GABRA2: variants seen among roughly 807,000 people sequenced by gnomAD.
GABRA2 encodes the protein gamma-aminobutyric acid receptor subunit alpha-2.
A neutral mutation model predicts 48.7 loss-of-function variants in GABRA2; 16 were observed. That is an observed-to-expected ratio of 0.33 (90% CI 0.22 to 0.50). GABRA2 has a LOEUF of 0.50. Ranked by LOEUF, GABRA2 falls within the 20% of genes least tolerant of loss-of-function variation. GABRA2 has a pLI of 0.98. For missense variants in GABRA2, 275 were observed against 535.6 expected (o/e 0.51, Z 4.80); for synonymous variants, 185 against 184.5 (o/e 1.00, Z -0.02).
intron 8 of GABRA2, among the ~76,000 whole-genome samples, chr4:46,268,676 C>T (rs1405007719): frequency 6.6e-6 from 1 of 151,818 alleles, no homozygotes; most frequent in Admixed American, 6.6e-5. Flanking sequence ...ATCCAGCAAT[C>T]CCACTTCTGG....
chr4:46,293,701 G>T (rs7669378), intron 8 of GABRA2, among the ~76,000 whole-genome samples: 1 of 151,960 alleles, frequency 6.6e-6, no homozygotes, highest in Non-Finnish European at 1.5e-5. Context: ...TGGAAAAGAC[G>T]AAATGTAAGC....
intron 1 of GABRA2, chr4:46,389,173 G>C (rs1477834195): frequency 2.5e-5 from 25 of 988,088 alleles, no homozygotes; most frequent in East Asian, 1.1e-4. Context: ...GACCACCTCC[G>C]CAACCACAGC....
At chr4:46,278,638 A>G (rs74902595) in intron 8 of GABRA2, among the ~76,000 whole-genome samples, 2,101 of 152,246 alleles carry the variant, frequency 0.014, 53 homozygotes, top group African/African-American at 0.048. Context: ...TTTTTCTTCT[A>G]TCAATTTTTC....
chr4:46,364,054 T>C (rs558040908), intron 3 of GABRA2: 5 of 152,332 alleles, frequency 3.3e-5, no homozygotes, highest in African/African-American at 1.2e-4. Flanking sequence ...CATATCGTAT[T>C]CTGTAGATGG....
intron 8 of GABRA2, among the ~76,000 whole-genome samples, chr4:46,280,811 C>T (rs185372749): frequency 1.3e-5 from 2 of 152,032 alleles, no homozygotes; most frequent in East Asian, 3.9e-4. Context: ...AATGGTGGAG[C>T]CCTGATCAAA....
chr4:46,303,119 A>G (rs1407629015), intron 8 of GABRA2: 3 of 239,848 alleles, frequency 1.3e-5, no homozygotes, highest in Non-Finnish European at 2.4e-5. Flanking sequence ...GTGTTTGATC[A>G]TAGCAACAAT....
chr4:46,351,974 GT>G (rs551212967), intron 3 of GABRA2, among the ~76,000 whole-genome samples: 7,055 of 118,040 alleles, frequency 0.06, 558 homozygotes, highest in African/African-American at 0.21. Context: ...CAAAAACTGG[GT>G]TTTTTTTTTT....
chr4:46,355,587 C>A (rs1735828287), intron 3 of GABRA2, among the ~76,000 whole-genome samples: 1 of 152,226 alleles, frequency 6.6e-6, no homozygotes, highest in South Asian at 2.1e-4. Context: ...AAGTGCCAAG[C>A]ATTCACTTTA....
chr4:46,250,109 T>A lies in GABRA2; in HGVS notation c.*199A>T. The stretch of plus-strand genomic sequence containing the variant: ...TCTTTAAAAAAGGCAATGGCTGTTT[T>A]CGCATGGAGTGCTTTCTGTCTGCAG... On this transcript the variant is annotated 3_prime_UTR_variant, in exon 10 of 10. Transcript: ENST00000381620. 1 of 504,872 alleles carries A rather than the reference T, an allele frequency of 2.0e-6. No individual in the cohort carries two copies. The allele number at this position is 504,872 out of a possible 1,614,324, so 31.3% of individuals were successfully genotyped here. A position where few individuals can be genotyped will look rare whatever the true frequency, so the allele number is the denominator to read the frequency against.
intron 3 of GABRA2, among the ~76,000 whole-genome samples, chr4:46,346,550 C>T (rs754606271): frequency 1.3e-5 from 2 of 149,992 alleles, no homozygotes; most frequent in Non-Finnish European, 3.0e-5. Flanking sequence ...GTGTAAGATT[C>T]CTGATGCTTT....
intron 2 of GABRA2, among the ~76,000 whole-genome samples, chr4:46,387,574 A>G (rs533981148): frequency 6.6e-6 from 1 of 152,274 alleles, no homozygotes; most frequent in Admixed American, 6.5e-5. Context: ...TTTAAAACCA[A>G]TAACTAAGAT....
intron 3 of GABRA2, among the ~76,000 whole-genome samples, chr4:46,356,066 C>T (rs6823288): frequency 0.046 from 7,064 of 152,188 alleles, 561 homozygotes; most frequent in African/African-American, 0.16. Context: ...CACTATACCC[C>T]CTGTTAATCA....
chr4:46,281,615 G>C (rs1283013420), intron 8 of GABRA2, among the ~76,000 whole-genome samples: 1 of 152,138 alleles, frequency 6.6e-6, no homozygotes, highest in African/African-American at 2.4e-5. Context: ...CTGAGATTTG[G>C]CCATTGTATT....
At chr4:46,263,507 A>T (rs1293206164) in intron 8 of GABRA2, among the ~76,000 whole-genome samples, 2 of 152,084 alleles carry the variant, frequency 1.3e-5, no homozygotes, top group Non-Finnish European at 2.9e-5. Context: ...CCATTAAATT[A>T]TCTTGGACAC....
At chr4:46,309,155 C>A (rs1028597372) in intron 6 of GABRA2, among the ~76,000 whole-genome samples, 1 of 152,048 alleles carries the variant, frequency 6.6e-6, no homozygotes, top group Non-Finnish European at 1.5e-5. Flanking sequence ...AAATTGAGAC[C>A]TGACACCTTT....
chr4:46,356,300 C>T lies in GABRA2; in HGVS notation c.188-23618G>A, dbSNP rs551011920. ...GTCTAGCCTCCCTCTATGGATTTAC[C>T]AAAGCCAATCTATCTGTCAATTTTC... On this transcript the variant is annotated intron_variant, in intron 3 of 9. Transcript: ENST00000381620. 5.9e-4 allele frequency among the ~76,000 whole-genome samples: 90 copies of T among 152,080 alleles called. 1 individual carries two copies. The highest frequency in any genetic ancestry group is 5.7e-3 in the Admixed American group (87 of 15,248).
intron 3 of GABRA2, chr4:46,364,392 T>C (rs1713710383): frequency 6.6e-6 from 1 of 152,186 alleles, no homozygotes; most frequent in African/African-American, 2.4e-5. Flanking sequence ...AACAAATTAT[T>C]ACAAACTTAA....
At chr4:46,382,193 CATAT>C (rs71652883) in intron 3 of GABRA2, among the ~76,000 whole-genome samples, 5 of 148,350 alleles carry the variant, frequency 3.4e-5, no homozygotes, top group Non-Finnish European at 6.0e-5. Flanking sequence ...CACACACACA[CATAT>C]ATATATATAT....
chr4:46,305,767 T>G, intron 6 of GABRA2, 56 bp from the exon 7 acceptor site: 1 of 1,294,404 alleles, frequency 7.7e-7, no homozygotes, highest in Non-Finnish European at 1.1e-6. Flanking sequence ...ATCAATCTAG[T>G]GCTACACGAA....
Sources: gnomAD v4.1 joint callset for allele counts (sites outside exome capture counted in the v4.1 genomes callset) on GRCh38, gnomAD v4.1.1 for gene constraint, MANE v1.5 for transcripts, NCBI Gene and HGNC (gene_info 2026-07-23, HGNC 2026-07-21) for gene names.